The following MLLT3 variants were observed in gnomAD, a reference collection of about 807,000 sequenced individuals.
MLLT3 encodes MLLT3 super elongation complex subunit.
MLLT3 carries 4 observed loss-of-function variants against 53.2 expected under a neutral mutation model. That is an observed-to-expected ratio of 0.08 (90% confidence interval 0.04 to 0.17). The LOEUF (loss-of-function observed/expected upper bound fraction) is 0.17, where lower values mean the gene tolerates loss of function less well. Ranked by LOEUF, MLLT3 falls within the 10% of genes least tolerant of loss-of-function variation. The pLI is 1.00. For synonymous variants in MLLT3, 283 were observed against 230.6 expected (o/e 1.23, Z -2.06); for missense variants, 569 against 684.0 (o/e 0.83, Z 1.87).
intron 3 of MLLT3, among the ~76,000 whole-genome samples, chr9:20,450,323 A>C (rs1195103534): frequency 6.6e-6 from 1 of 152,134 alleles, no homozygotes; most frequent in African/African-American, 2.4e-5. Context: ...TTTTGAACTT[A>C]CCTCATTCTA....
At chr9:20,532,787 G>T (rs1818378832) in intron 2 of MLLT3, 1 of 262,002 alleles carries the variant, frequency 3.8e-6, no homozygotes, top group Non-Finnish European at 7.3e-6. Flanking sequence ...CACTTCCTGA[G>T]ATTATTAACC....
chr9:20,548,625 G>A (rs890310379), intron 2 of MLLT3, among the ~76,000 whole-genome samples: 3 of 152,136 alleles, frequency 2.0e-5, no homozygotes, highest in South Asian at 2.1e-4. Flanking sequence ...CCTGTTAAGA[G>A]TAAGATTGAA....
At chr9:20,564,143 C>A (rs1244765403) in intron 2 of MLLT3, among the ~76,000 whole-genome samples, 1 of 152,112 alleles carries the variant, frequency 6.6e-6, no homozygotes, top group Admixed American at 6.6e-5. Context: ...AATATATCAT[C>A]CCTGAGTGCA....
At chr9:20,531,204 C>T (rs888052406) in intron 2 of MLLT3, among the ~76,000 whole-genome samples, 1 of 148,922 alleles carries the variant, frequency 6.7e-6, no homozygotes, top group Non-Finnish European at 1.5e-5. Flanking sequence ...GGCGCGATCT[C>T]GGCTCACTGC....
At chr9:20,533,815 G>C (rs1818406251) in intron 2 of MLLT3, among the ~76,000 whole-genome samples, 1 of 152,308 alleles carries the variant, frequency 6.6e-6, no homozygotes, top group South Asian at 2.1e-4. Flanking sequence ...CACAAACACT[G>C]CATGATCCAC....
At chr9:20,518,176 T>A (rs1336370339) in intron 2 of MLLT3, among the ~76,000 whole-genome samples, 1 of 152,096 alleles carries the variant, frequency 6.6e-6, no homozygotes, top group Non-Finnish European at 1.5e-5. Context: ...TGAAACCTCA[T>A]ATCTACTAAA....
intron 2 of MLLT3, among the ~76,000 whole-genome samples, chr9:20,537,865 C>A (rs535393717): frequency 6.6e-6 from 1 of 152,186 alleles, no homozygotes; most frequent in South Asian, 2.1e-4. Flanking sequence ...TTATGCTGTC[C>A]AAATACATTA....
chr9:20,418,129 T>C (rs948868623), intron 4 of MLLT3, among the ~76,000 whole-genome samples: 11 of 152,232 alleles, frequency 7.2e-5, no homozygotes, highest in Non-Finnish European at 8.8e-5. Context: ...TAGAAGTTTA[T>C]TTGTTCAAAC....
intron 2 of MLLT3, among the ~76,000 whole-genome samples, chr9:20,598,980 C>A (rs1367504584): frequency 1.3e-5 from 2 of 152,154 alleles, no homozygotes; most frequent in Non-Finnish European, 2.9e-5. Flanking sequence ...TGCCAAATTT[C>A]CACGTATCCA....
Position 20,620,937 on chromosome 9 carries a change from TA to T in MLLT3, c.13-104del. The T allele has an allele frequency of 7.8e-7, 1 of 1,278,452 alleles. No individual in the cohort carries two copies. The highest frequency in any genetic ancestry group is 1.1e-6 in the Non-Finnish European group (1 of 898,570). The allele number at this position is 1,278,452 out of a possible 1,614,324, so 79.2% of individuals were successfully genotyped here. On this transcript the variant is annotated intron_variant, in intron 1 of 10. Coordinates refer to ENST00000380338, the MANE Select transcript of MLLT3 (RefSeq NM_004529.4). This position sits in a 1 kb window ranked among gnomAD's most constrained non-coding sequence, Gnocchi z 6.1. ...TTTTTCCTCCTTCTTGAAACGCACA[TA>T]AAAGGAAACGGCGGTGCCCTCTGCA...
In MLLT3 at chr9:20,345,493, A is replaced by T; in HGVS notation, c.*950T>A. On this transcript the variant is annotated 3_prime_UTR_variant, in exon 11 of 11. Coordinates refer to ENST00000380338, the MANE Select transcript of MLLT3 (RefSeq NM_004529.4). ...TTTTTTTTTAGAAAACAGGACCAGAATTCTTTTTTTTTAAATGATGATCCT... is the reference window on the plus strand; with the variant it reads ...TTTTTTTTTAGAAAACAGGACCAGATTTCTTTTTTTTTAAATGATGATCCT... 1 of 203,708 alleles carries T rather than the reference A, an allele frequency of 4.9e-6. No individual in the cohort carries two copies. Among genetic ancestry groups the T allele is most frequent in the Non-Finnish European group, 1.0e-5 (1 of 99,336 alleles). 12.6% of individuals were successfully genotyped at this position (203,708 alleles called of 1,614,324 possible). A position where few individuals can be genotyped will look rare whatever the true frequency, so the allele number is the denominator to read the frequency against.
intron 2 of MLLT3, chr9:20,532,502 T>C (rs1339201799): frequency 1.6e-5 from 3 of 192,992 alleles, no homozygotes; most frequent in African/African-American, 7.1e-5. Flanking sequence ...TCCTAGGTCA[T>C]TAGAACATTT....
At chr9:20,426,028 T>C (rs1201436760) in intron 4 of MLLT3, among the ~76,000 whole-genome samples, 3 of 152,072 alleles carry the variant, frequency 2.0e-5, no homozygotes, top group East Asian at 3.8e-4. Flanking sequence ...CAAATGACTA[T>C]GACTTGTTTC....
intron 2 of MLLT3, among the ~76,000 whole-genome samples, chr9:20,485,259 G>A (rs1477124215): frequency 6.6e-6 from 1 of 152,288 alleles, no homozygotes. Flanking sequence ...AAAGTACTGG[G>A]ATTACAGGCA....
intron 5 of MLLT3, among the ~76,000 whole-genome samples, chr9:20,402,990 A>C (rs2118749720): frequency 6.6e-6 from 1 of 152,284 alleles, no homozygotes; most frequent in Non-Finnish European, 1.5e-5. Context: ...ACTCACTAGG[A>C]ACCACTTTAA....
chr9:20,503,591 C>T (rs1011611030), intron 2 of MLLT3, among the ~76,000 whole-genome samples: 1 of 152,098 alleles, frequency 6.6e-6, no homozygotes, highest in Non-Finnish European at 1.5e-5. Context: ...CATAAAAATA[C>T]TAGAAGAAAA....
chr9:20,417,160 G>A (rs1822891118), intron 4 of MLLT3, among the ~76,000 whole-genome samples: 1 of 146,604 alleles, frequency 6.8e-6, no homozygotes. Flanking sequence ...AGCTTTCACT[G>A]ATTTTCAGCC....
chr9:20,622,197 GAAGGA>G, intron 1 of MLLT3, 43 bp downstream of exon 1: 2 of 1,559,600 alleles, frequency 1.3e-6, no homozygotes, highest in South Asian at 2.2e-5. Context: ...GCAGGGCGAG[GAAGGA>G]AAGTGGGGGA....
chr9:20,428,221 T>A (rs867698942), intron 4 of MLLT3, among the ~76,000 whole-genome samples: 4 of 151,994 alleles, frequency 2.6e-5, no homozygotes, highest in African/African-American at 9.7e-5. Context: ...CCTAGAATTG[T>A]AAAACCAGAA....
Sources: allele counts gnomAD v4.1 joint callset (sites outside exome capture counted in the v4.1 genomes callset), GRCh38; gene constraint gnomAD v4.1.1; non-coding constraint Gnocchi (gnomAD v3.1); transcripts MANE v1.5; gene names NCBI Gene and HGNC (gene_info 2026-07-23, HGNC 2026-07-21).